Variants in DYSF observed in about 807,000 individuals in gnomAD.
DYSF encodes the protein dystrophy-associated fer-1-like 1.
In DYSF, 212 loss-of-function variants were observed where a neutral mutation model predicts 274.9. That is an observed-to-expected ratio of 0.77 (90% CI 0.69 to 0.86). The LOEUF (loss-of-function observed/expected upper bound fraction) is 0.86. DYSF is among the 40% of genes least tolerant of loss of function. The probability of loss-of-function intolerance (pLI) is 0.00; values close to 1 mark genes in which losing one functional copy is unlikely to be tolerated. For missense variants in DYSF, 2,666 were observed against 2,783.2 expected (o/e 0.96, Z 0.95); for synonymous variants, 1,091 against 1,078.7 (o/e 1.01, Z -0.22).
chr2:71,549,475 GT>G, intron 17 of DYSF: 5 of 1,390,362 alleles, frequency 3.6e-6, no homozygotes, highest in African/African-American at 1.4e-5. Context: ...GAGGCATGGG[GT>G]TTTTGATTTG....
At chr2:71,662,273 C>T (rs1200669185) in intron 45 of DYSF, among the ~76,000 whole-genome samples, 1 of 152,202 alleles carries the variant, frequency 6.6e-6, no homozygotes, top group Non-Finnish European at 1.5e-5. Flanking sequence ...AACTGACAGG[C>T]AGGTGACTTT....
At chr2:71,674,332 G>A in intron 52 of DYSF, 36 bp downstream of exon 52, 1 of 1,599,822 alleles carries the variant, frequency 6.3e-7, no homozygotes, top group African/African-American at 1.3e-5. Context: ...TCTGCACATG[G>A]GGGCTGCCCC....
intron 13 of DYSF, 68 bp downstream of exon 13, chr2:71,526,414 GCGATGGCGGGC>G (rs2152748898): frequency 2.4e-4 from 327 of 1,342,366 alleles, no homozygotes; most frequent in East Asian, 6.0e-4. Context: ...GTGGGGGTGG[GCGATGGCGGGC>G]GGGGTCAGCT....
chr2:71,478,628 A>AT (rs1227956826), intron 1 of DYSF, among the ~76,000 whole-genome samples: 17 of 151,878 alleles, frequency 1.1e-4, no homozygotes, highest in Non-Finnish European at 1.5e-5. Context: ...AAATTTCATG[A>AT]TTTTTTCCAT....
In DYSF at chr2:71,492,017, G is replaced by T. The variant is rs889420710; in HGVS notation, c.239+10047G>T. Among the ~76,000 whole-genome samples the T allele has an allele frequency of 3.3e-5, 5 of 152,232 alleles. No homozygotes were observed. The South Asian group carries it at 8.3e-4, about 25-fold the overall frequency. On this transcript the variant is annotated intron_variant, in intron 3 of 55. Coordinates refer to ENST00000410020, the MANE Select transcript of DYSF (RefSeq NM_001130987.2). ...ATGCTTGGGAGGCTGTTTTGGGCAG[G>T]ATTATTTACCCTTCACTGCCTCATT...
intron 3 of DYSF, among the ~76,000 whole-genome samples, chr2:71,482,250 C>T (rs2082975683): frequency 6.6e-6 from 1 of 152,130 alleles, no homozygotes; most frequent in Non-Finnish European, 1.5e-5. Context: ...CCCCAGGGAG[C>T]AGGAAGACTC....
intron 3 of DYSF, among the ~76,000 whole-genome samples, chr2:71,493,182 C>T (rs975394729): frequency 2.0e-5 from 3 of 152,176 alleles, no homozygotes; most frequent in African/African-American, 7.2e-5. Context: ...AGCTACAGCA[C>T]CTGGCTGATA....
At chr2:71,547,811 T>C (rs2090601841) in intron 17 of DYSF, among the ~76,000 whole-genome samples, 1 of 152,088 alleles carries the variant, frequency 6.6e-6, no homozygotes, top group African/African-American at 2.4e-5. Flanking sequence ...TGGACACCAG[T>C]CTGCAGCCAG....
intron 18 of DYSF, 50 bp from the exon 19 acceptor site, chr2:71,551,557 C>T: frequency 6.6e-7 from 1 of 1,511,754 alleles, no homozygotes; most frequent in Non-Finnish European, 9.0e-7. Flanking sequence ...CTTTCCTTCC[C>T]CTCCTCCCCT....
chr2:71,558,785 G>A (rs1177157656), intron 22 of DYSF, among the ~76,000 whole-genome samples: 3 of 152,116 alleles, frequency 2.0e-5, no homozygotes, highest in African/African-American at 7.2e-5. Context: ...GGGGAACTGG[G>A]TTCCCGTCCT....
intron 30 of DYSF, among the ~76,000 whole-genome samples, chr2:71,575,852 T>G (rs1239243431): frequency 6.6e-6 from 1 of 152,002 alleles, no homozygotes; most frequent in African/African-American, 2.4e-5. Context: ...AGGAAACAGG[T>G]TCATACAGTG....
chr2:71,628,687 A>G (rs1172476808), intron 41 of DYSF, among the ~76,000 whole-genome samples: 5 of 152,210 alleles, frequency 3.3e-5, no homozygotes, highest in African/African-American at 1.2e-4. Context: ...GCAGTGGCTC[A>G]TGCCTGTAAT....
At chr2:71,514,044 T>G in intron 7 of DYSF, 123 bp downstream of exon 7, 1 of 1,134,412 alleles carries the variant, frequency 8.8e-7, no homozygotes, top group Non-Finnish European at 1.3e-6. Flanking sequence ...GGCCCTCCTG[T>G]GGGGGAATCT....
intron 3 of DYSF, among the ~76,000 whole-genome samples, chr2:71,489,829 G>A (rs1210927882): frequency 6.6e-6 from 1 of 152,208 alleles, no homozygotes; most frequent in African/African-American, 2.4e-5. Flanking sequence ...TTTGCTCAGG[G>A]ACCCCACTGT....
intron 29 of DYSF, among the ~76,000 whole-genome samples, chr2:71,572,080 C>T (rs955756017): frequency 3.4e-5 from 5 of 147,066 alleles, no homozygotes; most frequent in African/African-American, 1.3e-4. Context: ...TCACACCCAG[C>T]ACACCCACAG....
intron 19 of DYSF, 33 bp from the exon 20 acceptor site, chr2:71,552,978 C>T (rs763320965): frequency 1.2e-6 from 2 of 1,613,370 alleles, no homozygotes; most frequent in South Asian, 1.1e-5. Context: ...CTTTGCTCCT[C>T]CCGTGACCCT....
intron 41 of DYSF, among the ~76,000 whole-genome samples, chr2:71,624,135 T>C (rs2094161944): frequency 6.6e-6 from 1 of 152,216 alleles, no homozygotes; most frequent in Non-Finnish European, 1.5e-5. Flanking sequence ...CCCTTCCTTT[T>C]TATATTCAAA....
rs200311551 is a variant in DYSF, at chr2:71,570,684, G to A, written c.3171G>A (p.Arg1057=). ...PAEKMYYTHR[R]RRWVRLRRRD... is the part of the protein sequence containing the mutation. ...AGAAGATGTACTACACACACCGACG[G>A]CGGCGCTGGGTGCGCCTGCGCAGGA... Residue 1057 remains arginine, a synonymous_variant, in exon 29 of 56, where the codon CGG becomes CGA. Coordinates refer to ENST00000410020, the MANE Select transcript of DYSF (RefSeq NM_001130987.2). 11 of 1,614,080 alleles carry A rather than the reference G, an allele frequency of 6.8e-6. No individual in the cohort carries two copies. The African/African-American group carries it at 1.5e-4, about 22-fold the overall frequency.
intron 17 of DYSF, among the ~76,000 whole-genome samples, chr2:71,542,698 A>G (rs1409634147): frequency 2.6e-5 from 4 of 152,174 alleles, no homozygotes; most frequent in Admixed American, 6.5e-5. Flanking sequence ...GGGTAAGGTC[A>G]TAGATCAACA....
Sources: allele counts gnomAD v4.1 joint callset (sites outside exome capture counted in the v4.1 genomes callset), GRCh38; gene constraint gnomAD v4.1.1; transcripts MANE v1.5; gene names NCBI Gene and HGNC (gene_info 2026-07-23, HGNC 2026-07-21).